The following ENTREP2 variants were observed in gnomAD, a reference collection of about 807,000 sequenced individuals.
The protein encoded by ENTREP2 is endosomal transmembrane epsin interactor 2, also known as protein ENTREP2.
At chr15:29,343,582 CTCTT>C in the ENTREP2 span, among the ~76,000 whole-genome samples, 1 of 147,304 alleles carries the variant, frequency 6.8e-6, no homozygotes, top group South Asian at 2.1e-4. Flanking sequence ...CGCTCTCTCT[CTCTT>C]TCTCTCTCTT....
At chr15:29,365,773 T>C in the ENTREP2 span, among the ~76,000 whole-genome samples, 5 of 152,020 alleles carry the variant, frequency 3.3e-5, no homozygotes, top group Admixed American at 6.5e-5. Context: ...TAAAGGTGCT[T>C]CTGACATTTC....
At chr15:29,301,476 TAGGC>T in the ENTREP2 span, among the ~76,000 whole-genome samples, 139 of 152,356 alleles carry the variant, frequency 9.1e-4, 1 homozygote, top group African/African-American at 3.0e-3. Context: ...TTTACGGTAA[TAGGC>T]AGTATAACAG....
chr15:29,300,398 A>AATGGATGGATGG, the ENTREP2 span, among the ~76,000 whole-genome samples: 2 of 128,964 alleles, frequency 1.6e-5, no homozygotes, highest in African/African-American at 6.0e-5. Flanking sequence ...TAGATGGATA[A>AATGGATGGATGG]ATGGATGGAT....
At chr15:29,430,193 AGGCTCCTCCCATGGCT>A in the ENTREP2 span, among the ~76,000 whole-genome samples, 1 of 152,110 alleles carries the variant, frequency 6.6e-6, no homozygotes, top group African/African-American at 2.4e-5. Context: ...CATTGATAAA[AGGCTCCTCCCATGGCT>A]GGCTCCACTC....
At chr15:29,540,855 C>T in the ENTREP2 span, among the ~76,000 whole-genome samples, 1 of 152,182 alleles carries the variant, frequency 6.6e-6, no homozygotes, top group Non-Finnish European at 1.5e-5. Context: ...ACAAAAGCAT[C>T]AAAAAGCTAT....
the ENTREP2 span, among the ~76,000 whole-genome samples, chr15:29,405,482 C>T: frequency 2.6e-5 from 4 of 152,264 alleles, no homozygotes; most frequent in East Asian, 7.7e-4. Flanking sequence ...GAGTAAGTCC[C>T]ACATCTTCCA....
chr15:29,633,901 G>A, the ENTREP2 span, among the ~76,000 whole-genome samples: 3 of 152,190 alleles, frequency 2.0e-5, no homozygotes, highest in Admixed American at 1.3e-4. Context: ...GAAGGTTGCA[G>A]TGAGTCGAGA....
the ENTREP2 span, among the ~76,000 whole-genome samples, chr15:29,426,147 T>C: frequency 1.3e-5 from 2 of 152,132 alleles, no homozygotes. Context: ...CTACAAGTCA[T>C]TTCCTTTATT....
At chr15:29,287,423 G>C in the ENTREP2 span, among the ~76,000 whole-genome samples, 2 of 148,970 alleles carry the variant, frequency 1.3e-5, no homozygotes, top group Non-Finnish European at 3.0e-5. Flanking sequence ...AAAACCCATG[G>C]AATCCTGAGG....
chr15:29,548,566 T>C, the ENTREP2 span, among the ~76,000 whole-genome samples: 4 of 151,572 alleles, frequency 2.6e-5, no homozygotes, highest in East Asian at 5.8e-4. Flanking sequence ...ATACTGAATA[T>C]ACTGAAAAGG....
At chr15:29,357,708 G>A in the ENTREP2 span, among the ~76,000 whole-genome samples, 6 of 152,156 alleles carry the variant, frequency 3.9e-5, 1 homozygote, top group Middle Eastern at 3.4e-3. Flanking sequence ...GCGTGGTGGC[G>A]GGCGCCTGTA....
At chr15:29,359,841 AG>A in the ENTREP2 span, among the ~76,000 whole-genome samples, 3 of 152,246 alleles carry the variant, frequency 2.0e-5, no homozygotes, top group Admixed American at 6.5e-5. Context: ...ATAGATCTAC[AG>A]CAATTTGATT....
chr15:29,124,234 T>TC, the ENTREP2 span, among the ~76,000 whole-genome samples: 2 of 151,752 alleles, frequency 1.3e-5, no homozygotes, highest in Non-Finnish European at 2.9e-5. Flanking sequence ...GGGCTGAGGG[T>TC]CCCTGTAAGA....
chr15:29,169,199 T>C, the ENTREP2 span, among the ~76,000 whole-genome samples: 2 of 152,248 alleles, frequency 1.3e-5, no homozygotes, highest in Non-Finnish European at 2.9e-5. Context: ...AGACTCACTG[T>C]GATCCTAATG....
At chr15:29,319,144 T>C in the ENTREP2 span, among the ~76,000 whole-genome samples, 3 of 152,178 alleles carry the variant, frequency 2.0e-5, no homozygotes, top group Non-Finnish European at 4.4e-5. Flanking sequence ...ACAACCGCCA[T>C]GGGTACTGAA....
At chr15:29,287,398 G>GAAAAAAAAAAAAAAAAA in the ENTREP2 span, among the ~76,000 whole-genome samples, 1 of 124,146 alleles carries the variant, frequency 8.1e-6, no homozygotes. Context: ...AAAAAAAAAA[G>GAAAAAAAAAAAAAAAAA]AAAAAAAAAA....
chr15:29,539,518 A>T, the ENTREP2 span, among the ~76,000 whole-genome samples: 1 of 152,082 alleles, frequency 6.6e-6, no homozygotes, highest in African/African-American at 2.4e-5. Context: ...GACGGTGAGG[A>T]GTCCACCACT....
the ENTREP2 span, among the ~76,000 whole-genome samples, chr15:29,587,545 A>C: frequency 7.2e-5 from 11 of 152,234 alleles, no homozygotes; most frequent in Non-Finnish European, 1.5e-4. Flanking sequence ...GGTTGCCCTC[A>C]GAGGATGATA....
At chr15:29,235,195 TA>T in the ENTREP2 span, 2 of 648,250 alleles carry the variant, frequency 3.1e-6, no homozygotes, top group African/African-American at 1.8e-5. Context: ...CAAAGTGTCA[TA>T]AAACAGATAG....
Sources: gnomAD v4.1 joint callset for allele counts (sites outside exome capture counted in the v4.1 genomes callset) on GRCh38, gnomAD v4.1.1 for gene constraint, MANE v1.5 for transcripts, NCBI Gene and HGNC (gene_info 2026-07-23, HGNC 2026-07-21) for gene names.